The following SLC8A1 variants were observed in gnomAD, a reference collection of about 807,000 sequenced individuals.
SLC8A1 encodes the protein solute carrier family 8 member A1.
A neutral mutation model predicts 68.3 loss-of-function variants in SLC8A1; 18 were observed. That is an observed-to-expected ratio of 0.26 (90% CI 0.18 to 0.39). The LOEUF (loss-of-function observed/expected upper bound fraction) is 0.39. Among genes scored for constraint, SLC8A1 ranks in the 10% least tolerant of loss-of-function variants. The pLI, the probability that SLC8A1 is intolerant of heterozygous loss-of-function variation, is 1.00. For missense variants in SLC8A1, 985 were observed against 1,156.7 expected (o/e 0.85, Z 2.15); for synonymous variants, 475 against 415.5 (o/e 1.14, Z -1.74).
At chr2:40,362,302 G>C (rs1559389351) in intron 2 of SLC8A1, among the ~76,000 whole-genome samples, 2 of 152,082 alleles carry the variant, frequency 1.3e-5, no homozygotes, top group East Asian at 3.9e-4. Context: ...AAAAAACTTA[G>C]ATAGATAGAT....
chr2:40,402,716 C>T (rs893629410), intron 2 of SLC8A1, among the ~76,000 whole-genome samples: 18 of 152,202 alleles, frequency 1.2e-4, no homozygotes, highest in Non-Finnish European at 1.5e-5. Context: ...AAACTCTTCA[C>T]CACGTCTTTC....
chr2:40,295,106 T>TTA lies in SLC8A1; in HGVS notation c.1809-117252_1809-117251insTA, dbSNP rs199920855. Reference sequence around the variant, plus strand: ...AAAGTTATTTAAGAAACAATTATTATTTTTTTTTTTTGATGCAAGGTCTCA... The same window carrying TTA: ...AAAGTTATTTAAGAAACAATTATTATTATTTTTTTTTTTGATGCAAGGTCTCA... On this transcript the variant is annotated intron_variant, in intron 2 of 7. Coordinates refer to ENST00000406785, the Ensembl canonical transcript of SLC8A1. Among the ~76,000 whole-genome samples the TTA allele has an allele frequency of 7.1e-3, 968 of 136,288 alleles. 10 individuals are homozygous for TTA. Among genetic ancestry groups the TTA allele is most frequent in the African/African-American group, 0.029 (935 of 31,778 alleles). 89.4% of individuals were successfully genotyped at this position (136,288 alleles called of 152,430 possible).
chr2:40,205,729 C>G (rs2055295177), intron 2 of SLC8A1, among the ~76,000 whole-genome samples: 1 of 149,724 alleles, frequency 6.7e-6, no homozygotes, highest in African/African-American at 2.5e-5. Context: ...ATGAGATAAT[C>G]TGTACAATAA....
chr2:40,316,775 G>A (rs545113647), intron 2 of SLC8A1, among the ~76,000 whole-genome samples: 1 of 151,986 alleles, frequency 6.6e-6, no homozygotes, highest in East Asian at 1.9e-4. Context: ...CCCCCAATTT[G>A]TGTTTTATCT....
intron 6 of SLC8A1, 29 bp from the exon 10 acceptor site, chr2:40,139,705 A>C (rs2041193289): frequency 6.2e-7 from 1 of 1,601,120 alleles, no homozygotes; most frequent in African/African-American, 1.3e-5. Context: ...AGCACATTTC[A>C]TCACAACCTG....
chr2:40,390,407 A>G (rs1389791488), intron 2 of SLC8A1, among the ~76,000 whole-genome samples: 1 of 152,090 alleles, frequency 6.6e-6, no homozygotes, highest in African/African-American at 2.4e-5. Context: ...GCTTCCTGCT[A>G]ATTATTCTAA....
intron 2 of SLC8A1, among the ~76,000 whole-genome samples, chr2:40,238,874 A>G (rs1374667087): frequency 6.6e-6 from 1 of 152,112 alleles, no homozygotes; most frequent in Non-Finnish European, 1.5e-5. Flanking sequence ...CTTTGATGTT[A>G]TTTGCAGTGA....
intron 2 of SLC8A1, among the ~76,000 whole-genome samples, chr2:40,341,473 C>T (rs1281611298): frequency 6.6e-6 from 1 of 152,134 alleles, no homozygotes; most frequent in East Asian, 1.9e-4. Context: ...TTGCAGGTTA[C>T]TCTATAAAAT....
intron 2 of SLC8A1, among the ~76,000 whole-genome samples, chr2:40,327,779 G>T (rs1274798893): frequency 6.6e-6 from 1 of 152,076 alleles, no homozygotes; most frequent in Admixed American, 6.6e-5. Context: ...GAAAAGGGCT[G>T]AACAACTACC....
In SLC8A1 at chr2:40,214,624, T is replaced by G. The variant is rs531723778; in HGVS notation, c.1809-36769A>C. Reference sequence around the variant, plus strand: ...ACCTGGCTAATTTTTTTTTTTTGTATTTTTAGTAGACACGGGGTTTCGCCA... The same window carrying G: ...ACCTGGCTAATTTTTTTTTTTTGTAGTTTTAGTAGACACGGGGTTTCGCCA... On this transcript the variant is annotated intron_variant, in intron 2 of 7. Transcript: ENST00000406785. 2.4e-4 allele frequency among the ~76,000 whole-genome samples: 37 copies of G among 151,924 alleles called. 1 individual carries two copies. The South Asian group carries it at 7.1e-3, about 29-fold the overall frequency.
intron 2 of SLC8A1, among the ~76,000 whole-genome samples, chr2:40,217,656 C>A (rs144385881): frequency 2.0e-5 from 3 of 152,102 alleles, no homozygotes; most frequent in Non-Finnish European, 4.4e-5. Flanking sequence ...TCAACCTCTA[C>A]CCTAGACAAT....
At chr2:40,241,878 A>C (rs1406448114) in intron 2 of SLC8A1, among the ~76,000 whole-genome samples, 1 of 90,786 alleles carries the variant, frequency 1.1e-5, no homozygotes, top group African/African-American at 2.7e-5. Context: ...AATAGATATC[A>C]GTTTTTTTCT....
At chr2:40,418,700 C>G (rs1250918280) in intron 2 of SLC8A1, among the ~76,000 whole-genome samples, 1 of 152,212 alleles carries the variant, frequency 6.6e-6, no homozygotes, top group African/African-American at 2.4e-5. Flanking sequence ...AACTCTCTCC[C>G]TATTTCACAT....
At chr2:40,363,060 G>A (rs1463238373) in intron 2 of SLC8A1, among the ~76,000 whole-genome samples, 2 of 152,114 alleles carry the variant, frequency 1.3e-5, no homozygotes, top group South Asian at 4.1e-4. Context: ...AGAAGGTACT[G>A]CTTTCATTCA....
chr2:40,322,711 A>T (rs2075348972), intron 2 of SLC8A1, among the ~76,000 whole-genome samples: 1 of 151,710 alleles, frequency 6.6e-6, no homozygotes, highest in East Asian at 1.9e-4. Flanking sequence ...AAAAATAATA[A>T]TGCCTTCACA....
At chr2:40,255,485 G>C (rs1317061396) in intron 2 of SLC8A1, among the ~76,000 whole-genome samples, 2 of 152,186 alleles carry the variant, frequency 1.3e-5, no homozygotes, top group Non-Finnish European at 2.9e-5. Flanking sequence ...TCATCAAAAA[G>C]AGGCTGATGT....
intron 7 of SLC8A1, among the ~76,000 whole-genome samples, chr2:40,121,081 A>G (rs2036660716): frequency 6.6e-6 from 1 of 152,204 alleles, no homozygotes; most frequent in Admixed American, 6.5e-5. Flanking sequence ...GTCTCTAGTG[A>G]TAAGCAGACA....
intron 2 of SLC8A1, among the ~76,000 whole-genome samples, chr2:40,257,862 G>A (rs2064151731): frequency 6.6e-6 from 1 of 152,142 alleles, no homozygotes; most frequent in Non-Finnish European, 1.5e-5. Flanking sequence ...ATCTCCACAT[G>A]GACACAGGAC....
chr2:40,176,053 G>A (rs528947346), intron 3 of SLC8A1: 1 of 425,916 alleles, frequency 2.3e-6, no homozygotes, highest in South Asian at 1.7e-5. Context: ...CGTATAATTT[G>A]TCTTTCAGCT....
Sources: gnomAD v4.1 joint callset for allele counts (sites outside exome capture counted in the v4.1 genomes callset) on GRCh38, gnomAD v4.1.1 for gene constraint, MANE v1.5 for transcripts, NCBI Gene and HGNC (gene_info 2026-07-23, HGNC 2026-07-21) for gene names.